Variants in SYT16 observed in about 807,000 individuals in gnomAD.
The protein encoded by SYT16 is synaptotagmin-16.
In SYT16, 42 loss-of-function variants were observed where a neutral mutation model predicts 61.4. The ratio of observed to expected loss-of-function variants is 0.68; its 90% CI spans 0.53 to 0.89. SYT16 has a LOEUF of 0.89. Among genes scored for constraint, SYT16 ranks in the 40% least tolerant of loss-of-function variants. The probability of loss-of-function intolerance (pLI) is 0.00; values close to 1 mark genes in which losing one functional copy is unlikely to be tolerated. For synonymous variants in SYT16, 314 were observed against 302.3 expected, an observed-to-expected ratio of 1.04 and a Z score of -0.40; for missense variants, 804 against 807.3, an observed-to-expected ratio of 1.00 and a Z score of 0.05.
chr14:62,049,665 A>G (rs1401619415), intron 3 of SYT16, among the ~76,000 whole-genome samples: 1 of 152,200 alleles, frequency 6.6e-6, no homozygotes, highest in Non-Finnish European at 1.5e-5. Context: ...CTTTTAGGGC[A>G]GGCCTGGTGG....
chr14:61,988,802 A>G (rs1285805827), intron 2 of SYT16, among the ~76,000 whole-genome samples: 2 of 152,182 alleles, frequency 1.3e-5, no homozygotes, highest in African/African-American at 4.8e-5. Context: ...ACAAAACTGG[A>G]TTTGAACCCC....
At chr14:61,930,137 G>T (rs1594939454) in intron 1 of SYT16, among the ~76,000 whole-genome samples, 1 of 152,110 alleles carries the variant, frequency 6.6e-6, no homozygotes, top group Non-Finnish European at 1.5e-5. Flanking sequence ...TATTCATAAA[G>T]GCAGGCTTTT....
At chr14:61,837,138 C>A (rs2046155028) in intron 1 of SYT16, among the ~76,000 whole-genome samples, 1 of 151,858 alleles carries the variant, frequency 6.6e-6, no homozygotes, top group African/African-American at 2.4e-5. Context: ...TACCTCTATT[C>A]AGTGGTAAGT....
chr14:61,868,228 CT>C lies in SYT16; in HGVS notation c.-325+55425del, dbSNP rs200172387. 4.4e-3 allele frequency among the ~76,000 whole-genome samples: 665 copies of C among 151,714 alleles called. 6 individuals are homozygous for C. The highest frequency in any genetic ancestry group is 0.015 in the African/African-American group (613 of 41,438). On this transcript the variant is annotated intron_variant, in intron 1 of 7. Transcript: ENST00000683842. ...CTTTTCTGAGAATGGTGTCTTCTCT[CT>C]TTTTTTAATCTTAATCAGTGTGATT...
At chr14:61,863,499 T>A (rs2047030683) in intron 1 of SYT16, among the ~76,000 whole-genome samples, 1 of 152,260 alleles carries the variant, frequency 6.6e-6, no homozygotes, top group Non-Finnish European at 1.5e-5. Context: ...GTTCTTTGTA[T>A]ATTTTGGATA....
At chr14:61,948,163 T>C (rs1205927742) in intron 1 of SYT16, among the ~76,000 whole-genome samples, 1 of 152,266 alleles carries the variant, frequency 6.6e-6, no homozygotes, top group South Asian at 2.1e-4. Context: ...CTGTGGCTCG[T>C]GTACCTAATT....
rs939874244 is a variant in SYT16 at position 62,069,736 on chromosome 14, A to G, written c.657A>G (p.Thr219=). The G allele has an allele frequency of 1.2e-6, 2 of 1,613,908 alleles. No individual in the cohort carries two copies. The change falls in exon 4 of 8, where the codon ACA becomes ACG. Residue 219 remains threonine, a synonymous_variant. Coordinates refer to ENST00000683842, the MANE Select transcript of SYT16 (RefSeq NM_001367656.1). ...RSVTSEKGKQ[T]GLEQKPKFSR... Reference sequence around the variant, plus strand: ...TGACATCTGAGAAAGGAAAGCAGACAGGATTGGAGCAGAAACCAAAATTCA... The same window carrying G: ...TGACATCTGAGAAAGGAAAGCAGACGGGATTGGAGCAGAAACCAAAATTCA...
Position 61,954,069 on chromosome 14 carries a change from T to G in SYT16, c.-324-16063T>G, listed in dbSNP as rs577090835. Among the ~76,000 whole-genome samples the G allele has an allele frequency of 7.2e-5, 11 of 152,334 alleles. 1 individual carries two copies. The South Asian group carries it at 1.9e-3, about 26-fold the overall frequency. Reference sequence around the variant, plus strand: ...CTCAAAGATGGGAGGGATCTATAAGTGGCATTTTAGATTTACCTCAGGCTT... The same window carrying G: ...CTCAAAGATGGGAGGGATCTATAAGGGGCATTTTAGATTTACCTCAGGCTT... On this transcript the variant is annotated intron_variant, in intron 1 of 7. Coordinates refer to ENST00000683842, the MANE Select transcript of SYT16 (RefSeq NM_001367656.1).
chr14:61,851,749 TG>T (rs1776560303), intron 1 of SYT16, among the ~76,000 whole-genome samples: 1 of 152,210 alleles, frequency 6.6e-6, no homozygotes, highest in Non-Finnish European at 1.5e-5. Context: ...CACTTTTTAA[TG>T]GGGTTGTTTG....
At chr14:61,867,752 G>A (rs1000689203) in intron 1 of SYT16, among the ~76,000 whole-genome samples, 1 of 151,988 alleles carries the variant, frequency 6.6e-6, no homozygotes. Context: ...CAGTCTTGGG[G>A]GAAAGCATTT....
intron 7 of SYT16, among the ~76,000 whole-genome samples, chr14:62,094,402 A>G (rs1460827716): frequency 1.3e-5 from 2 of 152,062 alleles, no homozygotes; most frequent in Non-Finnish European, 2.9e-5. Flanking sequence ...AGCCAGTAGT[A>G]CTGAATACAT....
At chr14:62,070,962 G>T (rs895975551) in intron 4 of SYT16, among the ~76,000 whole-genome samples, 20 of 152,132 alleles carry the variant, frequency 1.3e-4, no homozygotes, top group African/African-American at 4.6e-4. Context: ...CAAGCAGACA[G>T]AATAAAGGAT....
In SYT16 at chr14:62,075,116, T is replaced by C. The variant is rs533381915; in HGVS notation, c.737-19T>C. On this transcript the variant is annotated intron_variant, in intron 4 of 7. Transcript: ENST00000683842. ...TTAAAAATAATGCATTTGAAATGGT[T>C]TTCTTATTGCAAATTTAGATTTGGA... is the stretch of plus-strand genomic sequence containing the variant. The C allele has an allele frequency of 5.0e-6, 8 of 1,585,832 alleles. No individual in the cohort carries two copies. The highest frequency in any genetic ancestry group is 6.9e-6 in the Non-Finnish European group (8 of 1,161,992).
chr14:62,004,066 G>T (rs771723155), intron 3 of SYT16, among the ~76,000 whole-genome samples: 2 of 152,262 alleles, frequency 1.3e-5, no homozygotes, highest in South Asian at 2.1e-4. Flanking sequence ...CCTTCATCCT[G>T]TGTATTAGTC....
At chr14:61,913,867 G>A (rs2049023119) in intron 1 of SYT16, among the ~76,000 whole-genome samples, 1 of 152,108 alleles carries the variant, frequency 6.6e-6, no homozygotes, top group Non-Finnish European at 1.5e-5. Context: ...TTCCAACATA[G>A]CCTTGTCTGC....
At chr14:62,017,474 G>A (rs551445005) in intron 3 of SYT16, among the ~76,000 whole-genome samples, 195 of 152,250 alleles carry the variant, frequency 1.3e-3, no homozygotes, top group Non-Finnish European at 2.1e-3. Context: ...GTCCAAATCT[G>A]AATTTCTGAC....
chr14:62,015,387 T>G (rs2053629880), intron 3 of SYT16, among the ~76,000 whole-genome samples: 1 of 152,108 alleles, frequency 6.6e-6, no homozygotes, highest in Non-Finnish European at 1.5e-5. Context: ...AAATATCCTA[T>G]AAATACTTTT....
At chr14:61,894,152 G>T (rs1464510774) in intron 1 of SYT16, among the ~76,000 whole-genome samples, 1 of 152,090 alleles carries the variant, frequency 6.6e-6, no homozygotes, top group Non-Finnish European at 1.5e-5. Flanking sequence ...GGGCATTGTG[G>T]CAGGTGCCTG....
At chr14:61,835,462 G>A (rs925084168) in intron 1 of SYT16, among the ~76,000 whole-genome samples, 14 of 151,670 alleles carry the variant, frequency 9.2e-5, no homozygotes, top group Admixed American at 5.3e-4. Flanking sequence ...GTTTCATTAT[G>A]TTGGCCAGGC....
Sources: gnomAD v4.1 joint callset for allele counts (sites outside exome capture counted in the v4.1 genomes callset) on GRCh38, gnomAD v4.1.1 for gene constraint, MANE v1.5 for transcripts, NCBI Gene and HGNC (gene_info 2026-07-23, HGNC 2026-07-21) for gene names.